The following DCC variants were observed in gnomAD, a reference collection of about 807,000 sequenced individuals.
DCC encodes the protein DCC netrin 1 receptor.
Under a neutral mutation model 172.5 loss-of-function variants are expected in DCC, and 58 were observed. The observed-to-expected ratio is 0.34, with a 90% CI of 0.27 to 0.42. DCC has a LOEUF of 0.42. Ranked by LOEUF, DCC falls within the 10% of genes least tolerant of loss-of-function variation. The probability of loss-of-function intolerance (pLI) is 1.00; values close to 1 mark genes in which losing one functional copy is unlikely to be tolerated. For missense variants in DCC, 1,740 were observed against 1,791.0 expected (o/e 0.97, Z 0.51); for synonymous variants, 709 against 644.5 (o/e 1.10, Z -1.52).
At chr18:52,838,922 G>T (rs532759764) in intron 2 of DCC, among the ~76,000 whole-genome samples, 2 of 152,272 alleles carry the variant, frequency 1.3e-5, no homozygotes, top group African/African-American at 4.8e-5. Flanking sequence ...GAAAAGAAGG[G>T]ATTTAAGCTG....
chr18:52,792,483 C>T (rs2037789655), intron 2 of DCC, among the ~76,000 whole-genome samples: 1 of 152,262 alleles, frequency 6.6e-6, no homozygotes, highest in Middle Eastern at 3.4e-3. Context: ...GGGGTAGCCC[C>T]AGCCAGAAGT....
chr18:52,340,250 C>G lies in DCC; in HGVS notation c.-538C>G, dbSNP rs1006746804. The G allele has an allele frequency of 5.2e-6, 1 of 193,508 alleles. No homozygotes were observed. The highest frequency in any genetic ancestry group is 1.1e-5 in the Non-Finnish European group (1 of 92,120). The allele number at this position is 193,508 out of a possible 1,614,324, so 12.0% of individuals were successfully genotyped here. Reference sequence around the variant, plus strand: ...AAGTGAGAGCGCTCCACCCCGCAGTCCCCCCCGCCTCTCCTCCCTGGGTCC... The same window carrying G: ...AAGTGAGAGCGCTCCACCCCGCAGTGCCCCCCGCCTCTCCTCCCTGGGTCC... On this transcript the variant is annotated 5_prime_UTR_variant, in exon 1 of 29. Transcript: ENST00000442544.
chr18:53,061,626 C>A (rs61320472), intron 5 of DCC, among the ~76,000 whole-genome samples: 71 of 152,212 alleles, frequency 4.7e-4, no homozygotes, highest in African/African-American at 1.6e-3. Flanking sequence ...AGTATTATTG[C>A]AGTATCTTTC....
chr18:52,962,495 A>G (rs2040858272), intron 5 of DCC, among the ~76,000 whole-genome samples: 1 of 151,838 alleles, frequency 6.6e-6, no homozygotes, highest in East Asian at 1.9e-4. Context: ...GAACACTTTT[A>G]CACTGTTGGT....
rs1192228967 is a variant in DCC at position 53,533,222 on chromosome 18, T to C, written c.*2569T>C. On this transcript the variant is annotated 3_prime_UTR_variant, in exon 29 of 29. Transcript: ENST00000442544. ...GTAACTTATTAATTTCCCAGTCTCC[T>C]GATCTCTTGACAAGAAGAAACCTGT... 1 of 152,162 alleles carries C rather than the reference T, an allele frequency of 6.6e-6. No homozygotes were observed. The highest frequency in any genetic ancestry group is 2.4e-5 in the African/African-American group (1 of 41,448). The allele number at this position is 152,162 out of a possible 1,614,324, so 9.4% of individuals were successfully genotyped here.
intron 1 of DCC, among the ~76,000 whole-genome samples, chr18:52,533,590 C>T (rs972123414): frequency 1.5e-4 from 23 of 152,072 alleles, no homozygotes; most frequent in Non-Finnish European, 2.6e-4. Context: ...CTGTCTATTA[C>T]TAAGTAACAG....
intron 1 of DCC, among the ~76,000 whole-genome samples, chr18:52,430,698 C>T (rs970195150): frequency 6.6e-6 from 1 of 152,122 alleles, no homozygotes; most frequent in African/African-American, 2.4e-5. Flanking sequence ...TTGTAGTGTA[C>T]TAGTTATATG....
At chr18:53,314,533 C>T (rs767286498) in intron 13 of DCC, among the ~76,000 whole-genome samples, 1 of 152,128 alleles carries the variant, frequency 6.6e-6, no homozygotes, top group Non-Finnish European at 1.5e-5. Flanking sequence ...AATTTCTCAT[C>T]CAACAAAAGT....
intron 1 of DCC, among the ~76,000 whole-genome samples, chr18:52,498,862 T>C (rs2030906890): frequency 6.6e-6 from 1 of 152,096 alleles, no homozygotes; most frequent in South Asian, 2.1e-4. Flanking sequence ...CCCACTCTCA[T>C]GACCTTATTT....
chr18:52,853,957 G>A (rs2039014941), intron 2 of DCC, among the ~76,000 whole-genome samples: 1 of 152,178 alleles, frequency 6.6e-6, no homozygotes, highest in Non-Finnish European at 1.5e-5. Context: ...AAGAATTTTG[G>A]TCTCAATTCC....
intron 1 of DCC, among the ~76,000 whole-genome samples, chr18:52,371,018 T>C (rs1480166536): frequency 1.3e-5 from 2 of 152,172 alleles, no homozygotes; most frequent in Non-Finnish European, 2.9e-5. Flanking sequence ...CAGAAATCAA[T>C]AGAACTTTGT....
intron 2 of DCC, among the ~76,000 whole-genome samples, chr18:52,896,090 T>G (rs1460411690): frequency 6.6e-6 from 1 of 152,190 alleles, no homozygotes; most frequent in East Asian, 1.9e-4. Context: ...CAGCCGTGGT[T>G]AAATTGCTAT....
At chr18:53,446,111 A>C (rs1478421432) in intron 22 of DCC, among the ~76,000 whole-genome samples, 1 of 137,694 alleles carries the variant, frequency 7.3e-6, no homozygotes, top group Non-Finnish European at 1.5e-5. Flanking sequence ...AAAAAAAAAA[A>C]AAACAAAAAA....
At chr18:52,817,947 C>G (rs1304286580) in intron 2 of DCC, 1 of 152,038 alleles carries the variant, frequency 6.6e-6, no homozygotes, top group African/African-American at 2.4e-5. Context: ...GATTGTTACG[C>G]CATTGATAAA....
At chr18:53,493,219 T>G (rs2045979046) in intron 26 of DCC, among the ~76,000 whole-genome samples, 1 of 152,198 alleles carries the variant, frequency 6.6e-6, no homozygotes, top group East Asian at 1.9e-4. Context: ...TTAAGGAGAT[T>G]TAGGGCTGAG....
chr18:53,449,128 T>C (rs533094948), intron 22 of DCC, among the ~76,000 whole-genome samples: 35 of 152,336 alleles, frequency 2.3e-4, no homozygotes, highest in African/African-American at 8.2e-4. Context: ...AAAATTAATA[T>C]AGGTTATTAA....
intron 27 of DCC, among the ~76,000 whole-genome samples, chr18:53,503,456 C>T (rs543246801): frequency 1.3e-5 from 2 of 152,250 alleles, no homozygotes; most frequent in East Asian, 1.9e-4. Context: ...GAGATCTTTA[C>T]ACATTTCATG....
chr18:53,521,868 T>G (rs919056718), intron 27 of DCC, among the ~76,000 whole-genome samples: 2 of 152,094 alleles, frequency 1.3e-5, no homozygotes, highest in African/African-American at 2.4e-5. Context: ...AAAAAATATA[T>G]AGAGACAAAT....
At chr18:52,441,935 C>T (rs1427327775) in intron 1 of DCC, among the ~76,000 whole-genome samples, 1 of 152,132 alleles carries the variant, frequency 6.6e-6, no homozygotes, top group Non-Finnish European at 1.5e-5. Context: ...GGGGAATTTG[C>T]AAACTCTGTT....
Sources: allele counts gnomAD v4.1 joint callset (sites outside exome capture counted in the v4.1 genomes callset), GRCh38; gene constraint gnomAD v4.1.1; transcripts MANE v1.5; gene names NCBI Gene and HGNC (gene_info 2026-07-23, HGNC 2026-07-21).